EFCC1: variants seen among roughly 807,000 people sequenced by gnomAD.
EFCC1 encodes the protein EF-hand and coiled-coil domain containing 1.
Under a neutral mutation model 52.1 loss-of-function variants are expected in EFCC1, and 50 were observed. The ratio of observed to expected loss-of-function variants is 0.96; its 90% confidence interval spans 0.76 to 1.21. The LOEUF (loss-of-function observed/expected upper bound fraction) is 1.21, where lower values mean the gene tolerates loss of function less well. Among genes scored for constraint, EFCC1 ranks in the 50% most tolerant of loss-of-function variants. EFCC1 has a pLI of 0.00. For synonymous variants in EFCC1, 399 were observed against 396.5 expected (o/e 1.01, Z -0.08); for missense variants, 837 against 867.3 (o/e 0.97, Z 0.44).
In EFCC1 at chr3:129,004,015, G is replaced by C. The variant is rs1226218868; in HGVS notation, c.918G>C (p.Ala306=). The change falls in exon 2 of 8, where the codon GCG becomes GCC. Residue 306 remains alanine, a synonymous_variant. Coordinates refer to ENST00000683648, the MANE Select transcript of EFCC1 (RefSeq NM_001377500.1). ...LHRVRELEAL[A]QQVPGLQRWV... is the part of the protein sequence containing the mutation. Reference sequence around the variant, plus strand: ...GCGTGCGAGAGCTGGAGGCGCTGGCGCAACAGGTGCCCGGCTTGCAGCGCT... The same window carrying C: ...GCGTGCGAGAGCTGGAGGCGCTGGCCCAACAGGTGCCCGGCTTGCAGCGCT... The C allele has an allele frequency of 1.3e-6, 2 of 1,507,420 alleles. No homozygotes were observed. Among genetic ancestry groups the C allele is most frequent in the East Asian group, 2.7e-5 (1 of 36,566 alleles). The allele number at this position is 1,507,420 out of a possible 1,614,324, so 93.4% of individuals were successfully genotyped here.
In EFCC1 at chr3:129,032,799, C is replaced by T; in HGVS notation, c.1139-20C>T. The T allele has an allele frequency of 3.9e-6, 6 of 1,549,684 alleles. No homozygotes were observed. The highest frequency in any genetic ancestry group is 4.4e-6 in the Non-Finnish European group (5 of 1,146,006). ...TTCCCCACCCTTTGTCCTGCATCCC[C>T]ACATCCTGTGCTTCCCCAGCAGTGG... On this transcript the variant is annotated intron_variant, in intron 3 of 7. Transcript: ENST00000683648.
At position 129,010,555 on chromosome 3, in the gene EFCC1, C is replaced by T. The variant is rs546213479; in HGVS notation, c.980+6478C>T. ...GGAGGGACGGCAATTGGCTGGCCAC[C>T]GTGGAGGGGACACAAAGATGAGGCC... On this transcript the variant is annotated intron_variant, in intron 2 of 7. Coordinates refer to ENST00000683648, the MANE Select transcript of EFCC1 (RefSeq NM_001377500.1). This position sits in a 1 kb window ranked among gnomAD's most constrained non-coding sequence, Gnocchi z 4.3. 1.3e-5 allele frequency among the ~76,000 whole-genome samples: 2 copies of T among 152,120 alleles called. No individual in the cohort carries two copies. Among genetic ancestry groups the T allele is most frequent in the Admixed American group, 1.3e-4 (2 of 15,290 alleles).
At chr3:129,023,280 A>G (rs1275650751) in intron 2 of EFCC1, among the ~76,000 whole-genome samples, 1 of 151,014 alleles carries the variant, frequency 6.6e-6, no homozygotes, top group Non-Finnish European at 1.5e-5. Flanking sequence ...CAAAGTACAG[A>G]GACAGCCTCA....
intron 2 of EFCC1, among the ~76,000 whole-genome samples, chr3:129,020,932 C>T (rs1392758206): frequency 1.3e-5 from 2 of 152,198 alleles, no homozygotes; most frequent in African/African-American, 4.8e-5. Context: ...CCTCGTAGTC[C>T]CAGGGTGAGG....
Position 129,026,819 on chromosome 3 carries a change from C to T in EFCC1, c.981-3884C>T, listed in dbSNP as rs368276755. On this transcript the variant is annotated intron_variant, in intron 2 of 7. Transcript: ENST00000683648. ...CGCGGTCTCACATTGAAGCAAGAAT[C>T]CCCACCCGGGGGTTTTCACACTGGT... Among the ~76,000 whole-genome samples, 5 of 152,248 alleles carry T rather than the reference C, an allele frequency of 3.3e-5. No homozygotes were observed. The East Asian group carries it at 5.8e-4, about 18-fold the overall frequency.
intron 2 of EFCC1, among the ~76,000 whole-genome samples, chr3:129,015,191 C>A (rs553976965): frequency 6.6e-6 from 1 of 152,218 alleles, no homozygotes; most frequent in Non-Finnish European, 1.5e-5. Context: ...TGCAGCCACA[C>A]TGACCCTCCA....
rs895200881 is a variant in EFCC1, at chr3:129,001,308, G to T, written c.-321G>T. 2.2e-4 allele frequency among the ~76,000 whole-genome samples: 33 copies of T among 152,300 alleles called. No individual in the cohort carries two copies. Among genetic ancestry groups the T allele is most frequent in the African/African-American group, 7.2e-4 (30 of 41,582 alleles). On this transcript the variant is annotated 5_prime_UTR_variant, in exon 1 of 8. Transcript: ENST00000683648. ...CGGGAGTGGGAGGAAAAGCGCAGAC[G>T]CCAGGAACGCCCCGTGAGTGAGGAG...
intron 1 of EFCC1, 40 bp downstream of exon 1, chr3:129,002,364 A>G: frequency 6.7e-7 from 1 of 1,490,838 alleles, no homozygotes; most frequent in Non-Finnish European, 8.9e-7. Context: ...AACGCCCGGG[A>G]GAGGGCTCGA....
chr3:129,029,791 G>C (rs546266296), intron 2 of EFCC1, among the ~76,000 whole-genome samples: 34 of 151,404 alleles, frequency 2.2e-4, no homozygotes, highest in Non-Finnish European at 4.7e-4. Flanking sequence ...CACCATGTTG[G>C]CCAGGCTGGT....
At chr3:129,005,418 G>T (rs889648367) in intron 2 of EFCC1, among the ~76,000 whole-genome samples, 2 of 152,374 alleles carry the variant, frequency 1.3e-5, no homozygotes, top group African/African-American at 4.8e-5. Context: ...GGCTGGAGGG[G>T]TAGAGCTGAA....
At chr3:129,030,562 T>C in intron 2 of EFCC1, 141 bp from the exon 3 acceptor site, 1 of 947,012 alleles carries the variant, frequency 1.1e-6, no homozygotes, top group Non-Finnish European at 1.4e-6. Context: ...TCTGAGTATC[T>C]AGCACTTCCT....
intron 3 of EFCC1, 71 bp from the exon 4 acceptor site, chr3:129,032,748 A>T: frequency 6.6e-7 from 1 of 1,518,284 alleles, no homozygotes; most frequent in South Asian, 1.2e-5. Context: ...TGCGCTGCAC[A>T]TGTCCCCCTG....
intron 4 of EFCC1, among the ~76,000 whole-genome samples, chr3:129,033,170 T>G (rs1946306676): frequency 6.6e-6 from 1 of 152,212 alleles, no homozygotes; most frequent in Non-Finnish European, 1.5e-5. Context: ...AGGGCACATC[T>G]CGTGGCTGGC....
intron 2 of EFCC1, among the ~76,000 whole-genome samples, chr3:129,018,707 C>CT (rs1945696601): frequency 6.6e-6 from 1 of 152,244 alleles, no homozygotes; most frequent in Non-Finnish European, 1.5e-5. Flanking sequence ...TCTCTCACCT[C>CT]TTGTTCCCAC....
chr3:129,039,464 G>A (rs1946396883), intron 7 of EFCC1, among the ~76,000 whole-genome samples: 1 of 152,214 alleles, frequency 6.6e-6, no homozygotes, highest in Non-Finnish European at 1.5e-5. Flanking sequence ...GCACCACTGG[G>A]CAGAGCTCAG....
At chr3:129,030,939 G>A in intron 3 of EFCC1, 79 bp downstream of exon 3, 1 of 1,433,888 alleles carries the variant, frequency 7.0e-7, no homozygotes, top group Middle Eastern at 2.3e-4. Context: ...TCAAGGGCCT[G>A]TCTGCATCCA....
chr3:129,003,893 G>T lies in EFCC1; in HGVS notation c.796G>T (p.Ala266Ser), dbSNP rs1944928196. The change falls in exon 2 of 8, where the codon GCG becomes TCG. Residue 266 changes from alanine to serine, a missense_variant. Transcript: ENST00000683648. ...GCGTCAGGCGCAGGGCGCCCTGGCT[G>T]CGGCGGAGGCCCGCGCTGGGCGGCT... ...ELRQAQGALA[A>S]AEARAGRLRR... 7.2e-7 allele frequency: 1 copy of T among 1,383,222 alleles called. No individual in the cohort carries two copies. The allele number at this position is 1,383,222 out of a possible 1,614,324, so 85.7% of individuals were successfully genotyped here.
chr3:129,024,352 T>C (rs139954336), intron 2 of EFCC1, among the ~76,000 whole-genome samples: 2 of 151,980 alleles, frequency 1.3e-5, no homozygotes, highest in African/African-American at 4.8e-5. Context: ...GCCAACATGG[T>C]AAAACCCTTT....
chr3:129,003,271 C>T (rs1576691181), intron 1 of EFCC1: 2 of 985,380 alleles, frequency 2.0e-6, no homozygotes, highest in Non-Finnish European at 2.4e-6. Flanking sequence ...AACGGTCTTC[C>T]GGCATCTCTC....
Sources: gnomAD v4.1 joint callset for allele counts (sites outside exome capture counted in the v4.1 genomes callset) on GRCh38, gnomAD v4.1.1 for gene constraint, Gnocchi (gnomAD v3.1) non-coding constraint, MANE v1.5 for transcripts, NCBI Gene and HGNC (gene_info 2026-07-23, HGNC 2026-07-21) for gene names.